The following SLC14A2 variants were observed in gnomAD, a reference collection of about 807,000 sequenced individuals.
The protein encoded by SLC14A2 is solute carrier family 14 member 2.
SLC14A2 carries 91 observed loss-of-function variants against 104.6 expected under a neutral mutation model. The ratio of observed to expected loss-of-function variants is 0.87; its 90% CI spans 0.73 to 1.04. The LOEUF is 1.04. SLC14A2 is among the 50% of genes least tolerant of loss of function. SLC14A2 has a pLI of 0.00. For synonymous variants in SLC14A2, 476 were observed against 466.4 expected (o/e 1.02, Z -0.27); for missense variants, 1,189 against 1,156.0 (o/e 1.03, Z -0.41).
chr18:45,588,952 T>A (rs1207358356), intron 2 of SLC14A2, among the ~76,000 whole-genome samples: 1 of 119,464 alleles, frequency 8.4e-6, no homozygotes, highest in Non-Finnish European at 1.7e-5. Context: ...GTGGTTGTCT[T>A]TTTTTGTTTG....
chr18:45,643,915 C>T, intron 9 of SLC14A2, 71 bp from the exon 10 acceptor site: 2 of 1,356,780 alleles, frequency 1.5e-6, no homozygotes, highest in Middle Eastern at 1.9e-4. Context: ...TCACATCCTT[C>T]TCCCCCAGAG....
intron 1 of SLC14A2, among the ~76,000 whole-genome samples, chr18:45,360,265 T>C (rs752596153): frequency 2.0e-5 from 3 of 152,246 alleles, no homozygotes; most frequent in Non-Finnish European, 4.4e-5. Context: ...TGCATCCCTA[T>C]GGACGCTTCA....
intron 2 of SLC14A2, among the ~76,000 whole-genome samples, chr18:45,570,165 T>C (rs970011166): frequency 6.6e-6 from 1 of 152,148 alleles, no homozygotes. Context: ...CAAAGAAGGA[T>C]GAAGAACACA....
chr18:45,331,111 C>T (rs1204907980), intron 1 of SLC14A2, among the ~76,000 whole-genome samples: 4 of 152,182 alleles, frequency 2.6e-5, no homozygotes, highest in African/African-American at 9.7e-5. Context: ...ATATATGACA[C>T]CATTCAACCC....
rs570603380 is a variant in SLC14A2 at position 45,615,483 on chromosome 18, C to T, written c.-134C>T. ...TTGGCAAGTTCCTGCTCCACACCAT[C>T]TCTCTCTTCTGCCGCCATTTGAGAA... On this transcript the variant is annotated 5_prime_UTR_variant, in exon 1 of 20. Coordinates refer to ENST00000255226, the MANE Select transcript of SLC14A2 (RefSeq NM_007163.4). The T allele has an allele frequency of 1.3e-5, 2 of 152,308 alleles. No homozygotes were observed. Among genetic ancestry groups the T allele is most frequent in the African/African-American group, 2.4e-5 (1 of 41,568 alleles). The allele number at this position is 152,308 out of a possible 1,614,324, so 9.4% of individuals were successfully genotyped here. A position where few individuals can be genotyped will look rare whatever the true frequency, so the allele number is the denominator to read the frequency against.
chr18:45,640,657 T>A (rs919218775), intron 7 of SLC14A2, among the ~76,000 whole-genome samples: 1 of 152,142 alleles, frequency 6.6e-6, no homozygotes, highest in African/African-American at 2.4e-5. Context: ...AAGCAAAACT[T>A]TAAAAAGTAT....
intron 1 of SLC14A2, among the ~76,000 whole-genome samples, chr18:45,407,600 G>A (rs1403235349): frequency 1.3e-5 from 2 of 152,170 alleles, no homozygotes; most frequent in African/African-American, 4.8e-5. Context: ...CTTGGCCTTT[G>A]ACACGCCATC....
chr18:45,522,223 G>A (rs143440050), intron 2 of SLC14A2, among the ~76,000 whole-genome samples: 9 of 152,338 alleles, frequency 5.9e-5, no homozygotes, highest in East Asian at 1.9e-4. Context: ...AGTTGGCAGC[G>A]TCAAGTTCTG....
intron 1 of SLC14A2, among the ~76,000 whole-genome samples, chr18:45,293,654 G>T (rs1357236588): frequency 6.6e-6 from 1 of 152,170 alleles, no homozygotes; most frequent in Non-Finnish European, 1.5e-5. Context: ...GTTAAATCAA[G>T]GCAAGTTTGA....
chr18:45,495,727 T>C (rs2043085549), intron 2 of SLC14A2, among the ~76,000 whole-genome samples: 1 of 152,214 alleles, frequency 6.6e-6, no homozygotes, highest in African/African-American at 2.4e-5. Flanking sequence ...TCTCGAGGGA[T>C]TTAGGTCACT....
intron 1 of SLC14A2, among the ~76,000 whole-genome samples, chr18:45,394,989 A>G (rs1422484652): frequency 6.6e-6 from 1 of 152,122 alleles, no homozygotes; most frequent in East Asian, 1.9e-4. Flanking sequence ...AAAAGAATTG[A>G]AATCAGGTGG....
chr18:45,216,638 T>C (rs975261297), intron 1 of SLC14A2, among the ~76,000 whole-genome samples: 1 of 152,192 alleles, frequency 6.6e-6, no homozygotes, highest in African/African-American at 2.4e-5. Context: ...ACAGTACCGC[T>C]GCATGCAATG....
the SLC14A2 span, among the ~76,000 whole-genome samples, chr18:45,200,291 T>C: frequency 6.6e-6 from 1 of 152,086 alleles, no homozygotes; most frequent in Admixed American, 6.6e-5. Context: ...AATATGTAGA[T>C]TAGGAAACAC....
At chr18:45,233,499 T>G (rs973416389) in intron 1 of SLC14A2, among the ~76,000 whole-genome samples, 1 of 152,002 alleles carries the variant, frequency 6.6e-6, no homozygotes, top group Non-Finnish European at 1.5e-5. Flanking sequence ...AACAAAAAAG[T>G]CCCCTATTTC....
intron 10 of SLC14A2, among the ~76,000 whole-genome samples, chr18:45,648,158 CTATTAT>C (rs1449608327): frequency 1.4e-5 from 2 of 144,502 alleles, no homozygotes; most frequent in Non-Finnish European, 3.0e-5. Flanking sequence ...AAAATTTTGC[CTATTAT>C]TATAAGTTAC....
chr18:45,444,752 AG>A (rs1262663904), intron 1 of SLC14A2, among the ~76,000 whole-genome samples: 4 of 152,206 alleles, frequency 2.6e-5, no homozygotes, highest in Admixed American at 2.6e-4. Context: ...AGTGGGAGCC[AG>A]TGGCGAGCCG....
chr18:45,550,015 C>T (rs911456043), intron 2 of SLC14A2: 1 of 150,294 alleles, frequency 6.7e-6, no homozygotes, highest in African/African-American at 2.5e-5. Flanking sequence ...GGACTAAGGG[C>T]AATGAGGAAC....
chr18:45,223,543 G>A (rs1396326393), intron 1 of SLC14A2, among the ~76,000 whole-genome samples: 1 of 152,190 alleles, frequency 6.6e-6, no homozygotes, highest in African/African-American at 2.4e-5. Context: ...CTCAGACAGG[G>A]TCTTCTTTCC....
intron 1 of SLC14A2, among the ~76,000 whole-genome samples, chr18:45,306,539 T>A (rs2085023390): frequency 6.6e-6 from 1 of 152,208 alleles, no homozygotes; most frequent in Non-Finnish European, 1.5e-5. Context: ...CACTGAAATT[T>A]TAATTTCATA....
Sources: allele counts gnomAD v4.1 joint callset (sites outside exome capture counted in the v4.1 genomes callset), GRCh38; gene constraint gnomAD v4.1.1; transcripts MANE v1.5; gene names NCBI Gene and HGNC (gene_info 2026-07-23, HGNC 2026-07-21).